Variants in PLA2G6 observed in about 807,000 individuals in gnomAD.
The protein encoded by PLA2G6 is 85/88 kDa calcium-independent phospholipase A2.
PLA2G6 carries 62 observed loss-of-function variants against 83.8 expected under a neutral mutation model. That is an observed-to-expected ratio of 0.74 (90% CI 0.60 to 0.91). The LOEUF is 0.91. PLA2G6 is among the 40% of genes least tolerant of loss of function. The pLI is 0.00. For synonymous variants in PLA2G6, 417 were observed against 449.8 expected (o/e 0.93, Z 0.92); for missense variants, 944 against 1,102.0 (o/e 0.86, Z 2.03).
chr22:38,113,685 G>T (rs769109731), intron 14 of PLA2G6, 31 bp from the exon 15 acceptor site: 3 of 1,609,906 alleles, frequency 1.9e-6, no homozygotes, highest in African/African-American at 1.3e-5. Context: ...GCAGTCAGAA[G>T]AGACCTTCCA....
At chr22:38,129,332 G>C in intron 8 of PLA2G6, 122 bp downstream of exon 8, 2 of 743,244 alleles carry the variant, frequency 2.7e-6, no homozygotes, top group South Asian at 2.9e-5. Context: ...GCTCCTGGCA[G>C]CTCTGAGCAG....
At chr22:38,134,900 G>T (rs2088449689) in intron 6 of PLA2G6, 88 bp downstream of exon 6, 7 of 875,558 alleles carry the variant, frequency 8.0e-6, no homozygotes, top group Non-Finnish European at 1.3e-5. Flanking sequence ...TAGCCTCAGG[G>T]TCCTCTCGGG....
In PLA2G6 at chr22:38,123,916, A is replaced by G. The variant is rs1368148297; in HGVS notation, c.1428-658T>C. ...AATAACGCGATCTCGGCTCACCGCA[A>G]CCTCTGCCTCCCGGGTTCAAACGAT... On this transcript the variant is annotated intron_variant, in intron 10 of 16. Coordinates refer to ENST00000332509, the MANE Select transcript of PLA2G6 (RefSeq NM_003560.4). This position sits in a 1 kb window ranked among gnomAD's most constrained non-coding sequence, Gnocchi z 4.1. Among the ~76,000 whole-genome samples, 2 of 151,940 alleles carry G rather than the reference A, an allele frequency of 1.3e-5. No individual in the cohort carries two copies. The highest frequency in any genetic ancestry group is 2.9e-5 in the Non-Finnish European group (2 of 67,966).
Position 38,169,247 on chromosome 22 carries a change from G to T in PLA2G6, c.180C>A (p.Val60=). ...ATCCACTCTGTGAGTTCCTGGGGTT[G>T]ACCAGGACGCAGTCCCAGGTGCGGT... ...TPNRTWDCVL[V]NPRNSQSGFR... is the part of the protein sequence containing the mutation. Residue 60 remains valine (V), a synonymous_variant, in exon 2 of 17, where the codon GTC becomes GTA. Coordinates refer to ENST00000332509, the MANE Select transcript of PLA2G6 (RefSeq NM_003560.4). The T allele has an allele frequency of 6.2e-7, 1 of 1,613,944 alleles. No homozygotes were observed. The highest frequency in any genetic ancestry group is 1.1e-5 in the South Asian group (1 of 91,028).
intron 12 of PLA2G6, among the ~76,000 whole-genome samples, chr22:38,120,101 A>C (rs889854677): frequency 2.0e-5 from 3 of 152,184 alleles, no homozygotes; most frequent in Non-Finnish European, 4.4e-5. Flanking sequence ...AGAAATGCTC[A>C]AAACACTCCT....
chr22:38,154,301 A>G (rs1602219827), intron 2 of PLA2G6, among the ~76,000 whole-genome samples: 1 of 152,246 alleles, frequency 6.6e-6, no homozygotes, highest in East Asian at 1.9e-4. Flanking sequence ...GGTGAGACCC[A>G]GTGCTGTGCT....
At chr22:38,116,310 C>T in intron 12 of PLA2G6, 99 bp from the exon 13 acceptor site, 2 of 1,292,334 alleles carry the variant, frequency 1.5e-6, no homozygotes, top group Non-Finnish European at 1.1e-6. Context: ...AGCAGAGTGC[C>T]CACTCCAACC....
chr22:38,162,016 C>T (rs1175449372), intron 2 of PLA2G6, among the ~76,000 whole-genome samples: 2 of 151,828 alleles, frequency 1.3e-5, no homozygotes, highest in Non-Finnish European at 2.9e-5. Context: ...ACCAGCCTGG[C>T]CACCATGGCA....
rs544859562 is a variant in PLA2G6, at chr22:38,117,100, T to C, written c.1743-889A>G. Among the ~76,000 whole-genome samples the C allele has an allele frequency of 1.1e-4, 15 of 131,978 alleles. No individual in the cohort carries two copies. In the East Asian group the frequency reaches 2.6e-3, roughly 23 times the overall value. 86.6% of individuals were successfully genotyped at this position (131,978 alleles called of 152,430 possible). A position where few individuals can be genotyped will look rare whatever the true frequency, so the allele number is the denominator to read the frequency against. ...TTTACTATCAAGTTCTACCATAAAT[T>C]CAAAATAAACTATTATACTAACTCT... is the stretch of plus-strand genomic sequence containing the variant. On this transcript the variant is annotated intron_variant, in intron 12 of 16. Transcript: ENST00000332509.
intron 2 of PLA2G6, chr22:38,149,414 G>C (rs570047803): frequency 6.6e-6 from 1 of 152,174 alleles, no homozygotes; most frequent in Admixed American, 6.5e-5. Context: ...GATCAAAAAA[G>C]CATCAAATGG....
At chr22:38,171,251 A>G (rs1407620406) in intron 1 of PLA2G6, among the ~76,000 whole-genome samples, 4 of 151,882 alleles carry the variant, frequency 2.6e-5, no homozygotes, top group Admixed American at 6.6e-5. Context: ...CCATCTCTCA[A>G]TGATGTCTAT....
intron 3 of PLA2G6, chr22:38,144,632 CAAAAAAAAAAA>C (rs5845371): frequency 9.7e-5 from 3 of 30,944 alleles, no homozygotes; most frequent in Non-Finnish European, 1.5e-4. Flanking sequence ...GACTCCGTCT[CAAAAAAAAAAA>C]AAAAAAAAAA....
chr22:38,149,558 A>G (rs2089454784), intron 2 of PLA2G6: 1 of 152,224 alleles, frequency 6.6e-6, no homozygotes, highest in South Asian at 2.1e-4. Flanking sequence ...TACATACATA[A>G]GTGGAGGATC....
chr22:38,172,817 C>T (rs572290712), intron 1 of PLA2G6, among the ~76,000 whole-genome samples: 1 of 152,212 alleles, frequency 6.6e-6, no homozygotes, highest in Non-Finnish European at 1.5e-5. Context: ...CACACCCCTT[C>T]GTCAATGGCC....
Position 38,115,056 on chromosome 22 carries a change from T to A in PLA2G6, c.2034+471A>T, listed in dbSNP as rs11570754. ...TGCTCTTCCTCCAGATCACTGATTC[T>A]GCACTGCTCTGTCCCCAAGGGCCTC... On this transcript the variant is annotated intron_variant, in intron 14 of 16. Coordinates refer to ENST00000332509, the MANE Select transcript of PLA2G6 (RefSeq NM_003560.4). Among the ~76,000 whole-genome samples the A allele has an allele frequency of 5.4e-3, 817 of 152,360 alleles. 10 individuals are homozygous for A. The highest frequency in any genetic ancestry group is 0.018 in the African/African-American group (764 of 41,584).
intron 1 of PLA2G6, among the ~76,000 whole-genome samples, chr22:38,177,600 T>A (rs2090687369): frequency 6.6e-6 from 1 of 151,836 alleles, no homozygotes; most frequent in African/African-American, 2.4e-5. Context: ...CTAGCTGGGA[T>A]TACAGGCGCG....
At chr22:38,180,952 C>T (rs1329835595) in intron 1 of PLA2G6, among the ~76,000 whole-genome samples, 2 of 152,070 alleles carry the variant, frequency 1.3e-5, no homozygotes, top group Non-Finnish European at 2.9e-5. Context: ...TCCTGTTGGG[C>T]GGGTAAGAGG....
intron 2 of PLA2G6, among the ~76,000 whole-genome samples, chr22:38,164,853 C>T (rs192437226): frequency 2.8e-4 from 43 of 152,300 alleles, no homozygotes; most frequent in Admixed American, 1.2e-3. Context: ...AAGTCCAGTG[C>T]ACCAGGCCTG....
intron 12 of PLA2G6, among the ~76,000 whole-genome samples, chr22:38,116,851 CAAAAA>C (rs57712042): frequency 8.0e-5 from 3 of 37,644 alleles, no homozygotes; most frequent in South Asian, 3.6e-3. Context: ...AACTCCGTCT[CAAAAA>C]AAAAAAAAAA....
Sources: allele counts gnomAD v4.1 joint callset (sites outside exome capture counted in the v4.1 genomes callset), GRCh38; gene constraint gnomAD v4.1.1; non-coding constraint Gnocchi (gnomAD v3.1); transcripts MANE v1.5; gene names NCBI Gene and HGNC (gene_info 2026-07-23, HGNC 2026-07-21).